OSBPL10: variants seen among roughly 807,000 people sequenced by gnomAD.
OSBPL10 encodes oxysterol binding protein like 10.
A neutral mutation model predicts 81.7 loss-of-function variants in OSBPL10; 49 were observed. The ratio of observed to expected loss-of-function variants is 0.60; its 90% CI spans 0.48 to 0.76. The LOEUF is 0.76. Among genes scored for constraint, OSBPL10 ranks in the 30% least tolerant of loss-of-function variants. OSBPL10 has a pLI of 0.00. For missense variants in OSBPL10, 923 were observed against 987.8 expected (o/e 0.93, Z 0.88); for synonymous variants, 419 against 383.6 (o/e 1.09, Z -1.08).
chr3:32,047,299 G>T (rs1457615423), intron 1 of OSBPL10, among the ~76,000 whole-genome samples: 1 of 152,054 alleles, frequency 6.6e-6, no homozygotes, highest in Non-Finnish European at 1.5e-5. Context: ...TATTAGAGAA[G>T]TAAAGAAACA....
At chr3:32,011,698 G>T (rs1330144600) in intron 2 of OSBPL10, among the ~76,000 whole-genome samples, 1 of 152,132 alleles carries the variant, frequency 6.6e-6, no homozygotes. Context: ...CTTGAAAAAA[G>T]ATTAGATGAA....
intron 1 of OSBPL10, among the ~76,000 whole-genome samples, chr3:31,884,257 G>A (rs1409123092): frequency 6.6e-6 from 1 of 152,208 alleles, no homozygotes; most frequent in Non-Finnish European, 1.5e-5. Context: ...TGAAAAAAAA[G>A]AACATGTTTC....
intron 4 of OSBPL10, among the ~76,000 whole-genome samples, chr3:31,820,676 A>C (rs1011122397): frequency 6.6e-6 from 1 of 152,166 alleles, no homozygotes; most frequent in Non-Finnish European, 1.5e-5. Flanking sequence ...GCACTAGGAA[A>C]AGAAGTACCT....
intron 4 of OSBPL10, among the ~76,000 whole-genome samples, chr3:31,790,385 G>A (rs1698979924): frequency 6.6e-6 from 1 of 152,194 alleles, no homozygotes; most frequent in Non-Finnish European, 1.5e-5. Flanking sequence ...GTGTGTGGCA[G>A]AACCCATGAA....
In OSBPL10 at chr3:32,061,805, A is replaced by AT. The variant is rs1357880315; in HGVS notation, n.186-15203dup. Among the ~76,000 whole-genome samples the AT allele has an allele frequency of 5.5e-5, 5 of 90,634 alleles. 2 individuals carry two copies. Among genetic ancestry groups the AT allele is most frequent in the East Asian group, 2.6e-4 (1 of 3,898 alleles). The allele number at this position is 90,634 out of a possible 152,430, so 59.5% of individuals were successfully genotyped here. On this transcript the variant is annotated intron_variant and non_coding_transcript_variant, in intron 1 of 3. Transcript: ENST00000479173. Reference sequence around the variant, plus strand: ...AGGCTTGTGCCACCATGCCTGACTTATTTTTTTATTTTTTATAGAGCCAGA... The same window carrying AT: ...AGGCTTGTGCCACCATGCCTGACTTATTTTTTTTATTTTTTATAGAGCCAGA...
chr3:32,050,188 T>C (rs554186038), intron 1 of OSBPL10, among the ~76,000 whole-genome samples: 17 of 152,340 alleles, frequency 1.1e-4, no homozygotes, highest in Non-Finnish European at 2.2e-4. Context: ...GTTTATGTCA[T>C]AGCTCTAAAA....
intron 4 of OSBPL10, among the ~76,000 whole-genome samples, chr3:31,812,730 GAAA>G (rs1699720550): frequency 1.2e-4 from 2 of 17,152 alleles, no homozygotes; most frequent in African/African-American, 3.3e-4. Context: ...AAGAAAGAAA[GAAA>G]GAAAGAAAGA....
chr3:31,786,576 C>T (rs927312548), intron 4 of OSBPL10, among the ~76,000 whole-genome samples: 1 of 152,122 alleles, frequency 6.6e-6, no homozygotes, highest in Admixed American at 6.5e-5. Flanking sequence ...TTCCCTGCAG[C>T]CCTTTTACAA....
At chr3:31,780,833 C>CA (rs71628578) in intron 4 of OSBPL10, among the ~76,000 whole-genome samples, 98,176 of 150,172 alleles carry the variant, frequency 0.65, 32,395 homozygotes, top group East Asian at 0.8. Flanking sequence ...TGCCCCCCAC[C>CA]CCCCCAAAAA....
At chr3:31,851,201 G>A (rs1383924829) in intron 3 of OSBPL10, among the ~76,000 whole-genome samples, 3 of 152,224 alleles carry the variant, frequency 2.0e-5, no homozygotes, top group Non-Finnish European at 2.9e-5. Context: ...TCTGTACTAT[G>A]CATCCCACTG....
chr3:31,860,975 T>G (rs888926977), intron 3 of OSBPL10, among the ~76,000 whole-genome samples: 2 of 151,900 alleles, frequency 1.3e-5, no homozygotes, highest in Admixed American at 1.3e-4. Context: ...CCTCCCAAAG[T>G]GCTGGGATTA....
Position 31,838,875 on chromosome 3 carries a change from T to C in OSBPL10, c.538-8644A>G, listed in dbSNP as rs147127963. On this transcript the variant is annotated intron_variant, in intron 3 of 11. Coordinates refer to ENST00000396556, the MANE Select transcript of OSBPL10 (RefSeq NM_017784.5). ...TAACTATTCCTAATAACAGGAGTAATGTTTGATGGGCAGTATGTATACAGA... is the reference window on the plus strand; with the variant it reads ...TAACTATTCCTAATAACAGGAGTAACGTTTGATGGGCAGTATGTATACAGA... 4.6e-3 allele frequency among the ~76,000 whole-genome samples: 701 copies of C among 152,312 alleles called. 1 individual carries two copies. Among genetic ancestry groups the C allele is most frequent in the Non-Finnish European group, 6.7e-3 (458 of 68,030 alleles).
At chr3:31,829,516 G>C (rs565047029) in intron 4 of OSBPL10, among the ~76,000 whole-genome samples, 1 of 152,144 alleles carries the variant, frequency 6.6e-6, no homozygotes, top group Non-Finnish European at 1.5e-5. Flanking sequence ...ACTGAGGTTC[G>C]GGGCTGTCAG....
intron 2 of OSBPL10, chr3:31,990,959 G>T (rs112503028): frequency 1.3e-6 from 2 of 1,574,558 alleles, no homozygotes; most frequent in Non-Finnish European, 1.7e-6. Context: ...TGTCATAAGC[G>T]TGGCAAGGTC....
chr3:31,720,223 C>T (rs1286561817), intron 6 of OSBPL10, among the ~76,000 whole-genome samples: 6 of 152,010 alleles, frequency 3.9e-5, no homozygotes, highest in Non-Finnish European at 8.8e-5. Flanking sequence ...AATAATTATG[C>T]TGTTTTACAA....
At chr3:31,770,564 A>C (rs1192288045) in intron 4 of OSBPL10, among the ~76,000 whole-genome samples, 1 of 152,180 alleles carries the variant, frequency 6.6e-6, no homozygotes, top group East Asian at 1.9e-4. Context: ...AGGTGGGTGG[A>C]TCATCTGAGC....
intron 1 of OSBPL10, among the ~76,000 whole-genome samples, chr3:31,937,272 C>A (rs1697401082): frequency 6.9e-6 from 1 of 144,766 alleles, no homozygotes. Flanking sequence ...AAGAGACACT[C>A]AGGCTCAAAA....
intron 3 of OSBPL10, among the ~76,000 whole-genome samples, chr3:31,851,899 C>T (rs1225467156): frequency 6.6e-6 from 1 of 152,146 alleles, no homozygotes; most frequent in Non-Finnish European, 1.5e-5. Flanking sequence ...GGGGGAGATG[C>T]CCAGGAGTCT....
At chr3:31,913,239 T>TA (rs776338625) in intron 1 of OSBPL10, among the ~76,000 whole-genome samples, 1 of 150,970 alleles carries the variant, frequency 6.6e-6, no homozygotes, top group East Asian at 2.0e-4. Flanking sequence ...TTTTTTTTTT[T>TA]ATTTTGTTTT....
Sources: gnomAD v4.1 joint callset for allele counts (sites outside exome capture counted in the v4.1 genomes callset) on GRCh38, gnomAD v4.1.1 for gene constraint, MANE v1.5 for transcripts, NCBI Gene and HGNC (gene_info 2026-07-23, HGNC 2026-07-21) for gene names.